The following KIF6 variants were observed in gnomAD, a reference collection of about 807,000 sequenced individuals.
KIF6 encodes kinesin-like protein KIF6.
A neutral mutation model predicts 112.7 loss-of-function variants in KIF6; 106 were observed. That is an observed-to-expected ratio of 0.94 (90% CI 0.80 to 1.11). The LOEUF is 1.11. Ranked by LOEUF, KIF6 falls within the 50% of genes least tolerant of loss-of-function variation. The pLI is 0.00. For synonymous variants in KIF6, 339 were observed against 339.9 expected (o/e 1.00, Z 0.03); for missense variants, 929 against 964.0 (o/e 0.96, Z 0.48).
At chr6:39,614,147 C>T (rs2150722348) in intron 5 of KIF6, among the ~76,000 whole-genome samples, 1 of 152,300 alleles carries the variant, frequency 6.6e-6, no homozygotes, top group East Asian at 1.9e-4. Flanking sequence ...TTTGGCTAAA[C>T]TCCTCATACT....
At chr6:39,620,775 T>TTTATTTATTTAA (rs1783772559) in intron 5 of KIF6, among the ~76,000 whole-genome samples, 3 of 151,980 alleles carry the variant, frequency 2.0e-5, no homozygotes, top group Admixed American at 6.6e-5. Context: ...TATTTATTTA[T>TTTATTTATTTAA]TTATTTATTT....
At chr6:39,508,066 C>CT (rs772172594) in intron 13 of KIF6, among the ~76,000 whole-genome samples, 40 of 149,156 alleles carry the variant, frequency 2.7e-4, no homozygotes, top group Non-Finnish European at 4.9e-4. Context: ...CTCTGCTTTT[C>CT]TTTTTTTTGT....
intron 15 of KIF6, among the ~76,000 whole-genome samples, chr6:39,388,969 T>C (rs1462015851): frequency 6.6e-6 from 1 of 152,172 alleles, no homozygotes. Flanking sequence ...TTTACCACAG[T>C]ACATGCTAGA....
At chr6:39,543,676 A>C (rs544368418) in intron 12 of KIF6, among the ~76,000 whole-genome samples, 4 of 152,364 alleles carry the variant, frequency 2.6e-5, no homozygotes, top group African/African-American at 9.6e-5. Flanking sequence ...TTTCTTGTGC[A>C]TGTTTAAATT....
At position 39,349,631 on chromosome 6, in the gene KIF6, C is replaced by CTTTTTTTTTTTTTTTTTTTTTTTTTT. The variant is rs58810898; in HGVS notation, c.2181-3131_2181-3106dup. Among the ~76,000 whole-genome samples the CTTTTTTTTTTTTTTTTTTTTTTTTTT allele has an allele frequency of 2.3e-4, 15 of 64,560 alleles. 2 individuals carry two copies. The highest frequency in any genetic ancestry group is 3.4e-4 in the Non-Finnish European group (12 of 35,714). The allele number at this position is 64,560 out of a possible 152,430, so 42.4% of individuals were successfully genotyped here. On this transcript the variant is annotated intron_variant, in intron 19 of 22. Transcript: ENST00000287152. ...GAAGGTCTAGGTTTAATTTGTGGCT[C>CTTTTTTTTTTTTTTTTTTTTTTTTTT]TTTTTTTTTTTTTTTTTTTTTTTTT...
At position 39,604,260 on chromosome 6, in the gene KIF6, G is replaced by A. The variant is rs545802851; in HGVS notation, c.640-8000C>T. 7.2e-5 allele frequency among the ~76,000 whole-genome samples: 11 copies of A among 152,204 alleles called. No homozygotes were observed. The South Asian group carries it at 2.1e-3, about 29-fold the overall frequency. Reference sequence around the variant, plus strand: ...ACCTCACCCTTAATGAAGAATTACCGAATCTGTTACCTATTGGTTAAGTGA... The same window carrying A: ...ACCTCACCCTTAATGAAGAATTACCAAATCTGTTACCTATTGGTTAAGTGA... On this transcript the variant is annotated intron_variant, in intron 6 of 22. Transcript: ENST00000287152.
chr6:39,496,832 C>T (rs1775811884), intron 13 of KIF6, among the ~76,000 whole-genome samples: 1 of 152,212 alleles, frequency 6.6e-6, no homozygotes, highest in Non-Finnish European at 1.5e-5. Flanking sequence ...TTTATATTTT[C>T]AAGACCCTTC....
intron 13 of KIF6, among the ~76,000 whole-genome samples, chr6:39,521,618 T>C (rs1777407149): frequency 6.6e-6 from 1 of 152,130 alleles, no homozygotes; most frequent in African/African-American, 2.4e-5. Context: ...TGGAGAAAGA[T>C]AATTTCCAAC....
In KIF6 at chr6:39,667,870, G is replaced by A. The variant is rs148847032; in HGVS notation, c.252-28113C>T. Among the ~76,000 whole-genome samples the A allele has an allele frequency of 4.6e-5, 7 of 152,254 alleles. No homozygotes were observed. The East Asian group carries it at 1.4e-3, about 29-fold the overall frequency. On this transcript the variant is annotated intron_variant, in intron 3 of 22. Transcript: ENST00000287152. ...ATCTTACATTGAAATGTAATCCCCA[G>A]TAATGGAGATAGAGCCTGGTGGGAG... is the stretch of plus-strand genomic sequence containing the variant.
chr6:39,509,152 G>C (rs1776619527), intron 13 of KIF6, among the ~76,000 whole-genome samples: 1 of 152,140 alleles, frequency 6.6e-6, no homozygotes, highest in Non-Finnish European at 1.5e-5. Flanking sequence ...CTGTTAGAAG[G>C]AAAACTAACA....
rs1203086436 is a variant in KIF6 at position 39,342,595 on chromosome 6, T to G, written c.2428+1114A>C. Among the ~76,000 whole-genome samples the G allele has an allele frequency of 1.9e-5, 2 of 104,218 alleles. 1 individual carries two copies. Among genetic ancestry groups the G allele is most frequent in the African/African-American group, 1.2e-4 (2 of 16,394 alleles). 68.4% of individuals were successfully genotyped at this position (104,218 alleles called of 152,430 possible). A position where few individuals can be genotyped will look rare whatever the true frequency, so the allele number is the denominator to read the frequency against. On this transcript the variant is annotated intron_variant, in intron 22 of 22. Coordinates refer to ENST00000287152, the MANE Select transcript of KIF6 (RefSeq NM_145027.6). This position sits in a 1 kb window ranked among gnomAD's most constrained non-coding sequence, Gnocchi z 4.7. ...GGGACTTGGAGATCACTGAATCCAG[T>G]TTTTTATTTTTTTTTATTTTTTTTT...
rs1238153304 is a variant in KIF6, at chr6:39,332,379, G to A, written c.*4153C>T. 1 of 152,036 alleles carries A rather than the reference G, an allele frequency of 6.6e-6. No homozygotes were observed. The highest frequency in any genetic ancestry group is 1.5e-5 in the Non-Finnish European group (1 of 67,986). 9.4% of individuals were successfully genotyped at this position (152,036 alleles called of 1,614,324 possible). On this transcript the variant is annotated 3_prime_UTR_variant, in exon 23 of 23. Transcript: ENST00000287152. ...TTGGATGCTGGTTTCTTTTTGGTTT[G>A]TTTTTCATATTCCTTTAGATATTTT... is the stretch of plus-strand genomic sequence containing the variant.
chr6:39,654,242 A>C (rs1477978753), intron 3 of KIF6, among the ~76,000 whole-genome samples: 1 of 152,154 alleles, frequency 6.6e-6, no homozygotes, highest in African/African-American at 2.4e-5. Context: ...TTTGAAGATA[A>C]AATGGAGGTC....
At chr6:39,673,812 T>C (rs540591172) in intron 3 of KIF6, among the ~76,000 whole-genome samples, 1 of 152,320 alleles carries the variant, frequency 6.6e-6, no homozygotes, top group South Asian at 2.1e-4. Flanking sequence ...ATCCAAAATT[T>C]CTAGCCCAGA....
intron 3 of KIF6, among the ~76,000 whole-genome samples, chr6:39,713,890 A>C (rs553631942): frequency 5.3e-5 from 8 of 152,240 alleles, no homozygotes; most frequent in Non-Finnish European, 1.2e-4. Flanking sequence ...ATGTCCACTA[A>C]AAAAGGTGTA....
chr6:39,563,503 A>G (rs190696770), intron 10 of KIF6, among the ~76,000 whole-genome samples: 9 of 152,330 alleles, frequency 5.9e-5, no homozygotes, highest in East Asian at 3.9e-4. Context: ...TGTAGATAAT[A>G]TATGCATATT....
chr6:39,482,825 G>C (rs761868747), intron 13 of KIF6, among the ~76,000 whole-genome samples: 1 of 152,156 alleles, frequency 6.6e-6, no homozygotes, highest in Non-Finnish European at 1.5e-5. Context: ...GTCTGCCAAG[G>C]GCTCCGGGTA....
At chr6:39,398,840 G>A (rs1038686873) in intron 15 of KIF6, among the ~76,000 whole-genome samples, 23 of 152,202 alleles carry the variant, frequency 1.5e-4, no homozygotes, top group African/African-American at 4.8e-4. Flanking sequence ...ATGTCAAAGC[G>A]TATAGGCTAC....
chr6:39,337,385 T>C (rs1763091761), intron 22 of KIF6, among the ~76,000 whole-genome samples: 1 of 150,908 alleles, frequency 6.6e-6, no homozygotes, highest in South Asian at 2.1e-4. Flanking sequence ...CAATCTCGGC[T>C]CACTGCAACC....
Sources: gnomAD v4.1 joint callset for allele counts (sites outside exome capture counted in the v4.1 genomes callset) on GRCh38, gnomAD v4.1.1 for gene constraint, Gnocchi (gnomAD v3.1) non-coding constraint, MANE v1.5 for transcripts, NCBI Gene and HGNC (gene_info 2026-07-23, HGNC 2026-07-21) for gene names.